GNA12: variants seen among roughly 807,000 people sequenced by gnomAD.
GNA12 encodes guanine nucleotide-binding protein subunit alpha-12.
Under a neutral mutation model 26.0 loss-of-function variants are expected in GNA12, and 9 were observed. That is an observed-to-expected ratio of 0.35 (90% confidence interval 0.21 to 0.60). The LOEUF (loss-of-function observed/expected upper bound fraction) is 0.60, where lower values mean the gene tolerates loss of function less well. Among genes scored for constraint, GNA12 ranks in the 20% least tolerant of loss-of-function variants. GNA12 has a pLI of 0.78. For missense variants in GNA12, 405 were observed against 525.8 expected (o/e 0.77, Z 2.25); for synonymous variants, 264 against 219.6 (o/e 1.20, Z -1.79).
At chr7:2,790,962 A>G (rs538942967) in intron 2 of GNA12, among the ~76,000 whole-genome samples, 1 of 151,130 alleles carries the variant, frequency 6.6e-6, no homozygotes, top group South Asian at 2.1e-4. Flanking sequence ...AGGCAGAGCA[A>G]GATTGTCCCT....
At chr7:2,737,264 G>GTTTTTTTTTTTTTTTTTTTTTTT (rs201866976) in intron 2 of GNA12, among the ~76,000 whole-genome samples, 1 of 52,452 alleles carries the variant, frequency 1.9e-5, no homozygotes, top group Non-Finnish European at 4.0e-5. Context: ...CTATCTCACA[G>GTTTTTTTTTTTTTTTTTTTTTTT]TTTTGTTTTG....
At chr7:2,783,649 C>CATTTATTTATTTATTTATTTATTTATTT (rs60404277) in intron 2 of GNA12, among the ~76,000 whole-genome samples, 13 of 138,688 alleles carry the variant, frequency 9.4e-5, no homozygotes, top group South Asian at 2.5e-4. Context: ...GGCTGTAACA[C>CATTTATTTATTTATTTATTTATTTATTT]ATTTATTTAT....
At chr7:2,789,780 T>C (rs1033812238) in intron 2 of GNA12, among the ~76,000 whole-genome samples, 21 of 151,984 alleles carry the variant, frequency 1.4e-4, no homozygotes, top group African/African-American at 4.4e-4. Context: ...CTGGTGGTGA[T>C]GTGTGTGTGT....
Position 2,742,516 on chromosome 7 carries a change from G to A in GNA12, c.526-9015C>T, listed in dbSNP as rs147237671. On this transcript the variant is annotated intron_variant, in intron 2 of 3. Coordinates refer to ENST00000275364, the MANE Select transcript of GNA12 (RefSeq NM_007353.3). ...TCGCTGTCCACATGGACTCACAGAC[G>A]CTGTCATTTTCCAGGGGCTGTAATT... Among the ~76,000 whole-genome samples the A allele has an allele frequency of 2.6e-3, 393 of 152,266 alleles. 1 individual carries two copies. The highest frequency in any genetic ancestry group is 2.7e-3 in the Non-Finnish European group (182 of 68,018).
At chr7:2,832,986 T>C (rs1778721088) in intron 1 of GNA12, among the ~76,000 whole-genome samples, 1 of 152,148 alleles carries the variant, frequency 6.6e-6, no homozygotes, top group African/African-American at 2.4e-5. Flanking sequence ...ACAAGTCATG[T>C]TTTCCATTCT....
At chr7:2,800,247 C>T (rs538543020) in intron 1 of GNA12, among the ~76,000 whole-genome samples, 5 of 152,278 alleles carry the variant, frequency 3.3e-5, no homozygotes, top group Non-Finnish European at 5.9e-5. Flanking sequence ...ACGCACTATG[C>T]GATTCTGTTT....
chr7:2,831,436 C>G (rs1778647965), intron 1 of GNA12, among the ~76,000 whole-genome samples: 1 of 134,058 alleles, frequency 7.5e-6, no homozygotes, highest in Non-Finnish European at 1.6e-5. Context: ...TGGAGTCTCA[C>G]TCTGTCGCCC....
intron 2 of GNA12, among the ~76,000 whole-genome samples, chr7:2,758,430 G>GCAGT (rs1791403111): frequency 2.6e-5 from 4 of 152,186 alleles, no homozygotes; most frequent in Non-Finnish European, 5.9e-5. Context: ...AGTTTCATGT[G>GCAGT]TTCTGTGCTG....
intron 1 of GNA12, among the ~76,000 whole-genome samples, chr7:2,801,652 T>C (rs1187821637): frequency 1.3e-5 from 2 of 152,128 alleles, no homozygotes. Context: ...GTAGTAGTTT[T>C]GTAAGCTTTG....
chr7:2,767,587 G>C (rs998936042), intron 2 of GNA12, among the ~76,000 whole-genome samples: 4 of 151,266 alleles, frequency 2.6e-5, no homozygotes. Flanking sequence ...TCACACACAA[G>C]AACAACTGTT....
intron 2 of GNA12, among the ~76,000 whole-genome samples, chr7:2,757,554 G>C (rs1270817024): frequency 6.6e-6 from 1 of 152,118 alleles, no homozygotes; most frequent in East Asian, 1.9e-4. Context: ...ATGGGAACGC[G>C]GCCAGGTGCA....
At chr7:2,823,127 G>A (rs1237027814) in intron 1 of GNA12, among the ~76,000 whole-genome samples, 10 of 152,164 alleles carry the variant, frequency 6.6e-5, no homozygotes, top group Admixed American at 2.6e-4. Context: ...CGTGGGGTCC[G>A]AGGCATCATC....
At chr7:2,782,717 A>G (rs1385149075) in intron 2 of GNA12, among the ~76,000 whole-genome samples, 1 of 150,454 alleles carries the variant, frequency 6.6e-6, no homozygotes, top group Non-Finnish European at 1.5e-5. Flanking sequence ...GATATGATTT[A>G]CCAGCCACCG....
intron 2 of GNA12, among the ~76,000 whole-genome samples, chr7:2,742,159 T>A (rs986089900): frequency 1.3e-5 from 2 of 151,702 alleles, no homozygotes; most frequent in African/African-American, 2.4e-5. Flanking sequence ...GTAGCTGGGA[T>A]TACAGAGGTG....
chr7:2,785,939 C>T (rs1006912075), intron 2 of GNA12, among the ~76,000 whole-genome samples: 8 of 152,132 alleles, frequency 5.3e-5, no homozygotes, highest in South Asian at 2.1e-4. Flanking sequence ...TGGTGGCGGA[C>T]GCCTGTAATC....
At chr7:2,817,607 C>T (rs184902598) in intron 1 of GNA12, among the ~76,000 whole-genome samples, 8 of 152,322 alleles carry the variant, frequency 5.3e-5, no homozygotes, top group Admixed American at 2.0e-4. Context: ...CTGCCCATTA[C>T]GCAGACAACA....
chr7:2,734,423 T>C (rs1790054421), intron 2 of GNA12, among the ~76,000 whole-genome samples: 1 of 152,172 alleles, frequency 6.6e-6, no homozygotes, highest in East Asian at 1.9e-4. Flanking sequence ...TCAGGGCTTG[T>C]GGGAAGAGCA....
At chr7:2,807,929 C>T (rs756924710) in intron 1 of GNA12, among the ~76,000 whole-genome samples, 4 of 152,154 alleles carry the variant, frequency 2.6e-5, no homozygotes, top group African/African-American at 4.8e-5. Flanking sequence ...GCGCAGAAAC[C>T]GCTCTGTGCC....
chr7:2,807,842 G>A (rs1028779091), intron 1 of GNA12, among the ~76,000 whole-genome samples: 19 of 152,228 alleles, frequency 1.2e-4, no homozygotes, highest in African/African-American at 4.6e-4. Context: ...AGACGCTGCA[G>A]CGTTTCAAAT....
Sources: allele counts gnomAD v4.1 joint callset (sites outside exome capture counted in the v4.1 genomes callset), GRCh38; gene constraint gnomAD v4.1.1; transcripts MANE v1.5; gene names NCBI Gene and HGNC (gene_info 2026-07-23, HGNC 2026-07-21).